Variants in ST8SIA4 observed in about 807,000 individuals in gnomAD.
ST8SIA4 encodes the protein ST8 alpha-N-acetyl-neuraminide alpha-2,8-sialyltransferase 4, also known as CMP-N-acetylneuraminate-poly-alpha-2,8-sialyltransferase.
In ST8SIA4, 15 loss-of-function variants were observed where a neutral mutation model predicts 33.9. The ratio of observed to expected loss-of-function variants is 0.44; its 90% CI spans 0.30 to 0.68. The LOEUF is 0.68. Among genes scored for constraint, ST8SIA4 ranks in the 30% least tolerant of loss-of-function variants. The pLI is 0.10. For missense variants in ST8SIA4, 321 were observed against 428.0 expected (o/e 0.75, Z 2.21); for synonymous variants, 171 against 151.2 (o/e 1.13, Z -0.96).
chr5:100,871,349 T>G (rs1437686468), intron 3 of ST8SIA4, among the ~76,000 whole-genome samples: 5 of 152,080 alleles, frequency 3.3e-5, no homozygotes, highest in African/African-American at 1.2e-4. Context: ...AAAAATATCA[T>G]CCCTACTTTT....
At chr5:100,883,046 C>A (rs549243904) in intron 3 of ST8SIA4, among the ~76,000 whole-genome samples, 2 of 152,298 alleles carry the variant, frequency 1.3e-5, no homozygotes, top group South Asian at 4.1e-4. Flanking sequence ...AAGAGGGCCA[C>A]CATCCTTCAG....
At chr5:100,814,054 C>T (rs766555844) in intron 4 of ST8SIA4, among the ~76,000 whole-genome samples, 13 of 151,976 alleles carry the variant, frequency 8.6e-5, no homozygotes, top group Non-Finnish European at 1.3e-4. Flanking sequence ...GAGGTTTCCT[C>T]GAGGTTCATG....
intron 3 of ST8SIA4, among the ~76,000 whole-genome samples, chr5:100,864,255 T>G (rs1179559252): frequency 6.6e-6 from 1 of 152,082 alleles, no homozygotes; most frequent in Non-Finnish European, 1.5e-5. Context: ...TTAACTGCTG[T>G]TCTTTATCTG....
chr5:100,846,756 T>C (rs1751579658), intron 4 of ST8SIA4, among the ~76,000 whole-genome samples: 1 of 152,080 alleles, frequency 6.6e-6, no homozygotes, highest in African/African-American at 2.4e-5. Flanking sequence ...TCTAGATATT[T>C]CGCAAAGCCT....
chr5:100,895,139 A>T (rs1240394091), intron 2 of ST8SIA4, among the ~76,000 whole-genome samples: 1 of 152,060 alleles, frequency 6.6e-6, no homozygotes, highest in Non-Finnish European at 1.5e-5. Flanking sequence ...TACAAAGAAG[A>T]AGTCAGTAAT....
At chr5:100,825,290 T>C (rs1751117935) in intron 4 of ST8SIA4, among the ~76,000 whole-genome samples, 1 of 152,170 alleles carries the variant, frequency 6.6e-6, no homozygotes, top group South Asian at 2.1e-4. Context: ...AATTATTTAT[T>C]TTTTGGAAGC....
Position 100,847,116 on chromosome 5 carries a change from A to C in ST8SIA4, c.797+8987T>G, listed in dbSNP as rs927724872. 8.5e-5 allele frequency among the ~76,000 whole-genome samples: 13 copies of C among 152,092 alleles called. 1 individual carries two copies. Among genetic ancestry groups the C allele is most frequent in the Admixed American group, 7.9e-4 (12 of 15,246 alleles). ...CTACTCAAAAACATTAAACTAGGAC[A>C]CATGTTTTATAAAGAAATATTACAG... On this transcript the variant is annotated intron_variant, in intron 4 of 4. Transcript: ENST00000231461.
intron 3 of ST8SIA4, among the ~76,000 whole-genome samples, chr5:100,869,357 G>A (rs1752146878): frequency 6.6e-6 from 1 of 151,990 alleles, no homozygotes; most frequent in African/African-American, 2.4e-5. Context: ...TCTATAGAAG[G>A]ATAGATCTAC....
chr5:100,870,306 C>A (rs558262832), intron 3 of ST8SIA4, among the ~76,000 whole-genome samples: 12 of 152,148 alleles, frequency 7.9e-5, no homozygotes, highest in African/African-American at 2.9e-4. Context: ...ATCTTAAGAT[C>A]ATGGAAAGTA....
intron 1 of ST8SIA4, among the ~76,000 whole-genome samples, chr5:100,901,992 G>C (rs1752928660): frequency 6.6e-6 from 1 of 152,168 alleles, no homozygotes. Context: ...GGAACAGGGA[G>C]GATTTCCGAA....
At chr5:100,849,327 G>A (rs1015622553) in intron 4 of ST8SIA4, 2 of 985,248 alleles carry the variant, frequency 2.0e-6, no homozygotes, top group Non-Finnish European at 2.4e-6. Context: ...TCTAAAGTCA[G>A]AATAGGAAAG....
At chr5:100,839,117 C>T (rs1437486169) in intron 4 of ST8SIA4, among the ~76,000 whole-genome samples, 1 of 151,938 alleles carries the variant, frequency 6.6e-6, no homozygotes, top group Non-Finnish European at 1.5e-5. Flanking sequence ...CATGAGCCAC[C>T]ACACCCACCC....
rs765912194 is a variant in ST8SIA4 at position 100,810,339 on chromosome 5, C to T, written c.*1508G>A. ...TATTGACACAATTTCACTGTTAAAC[C>T]TCTTGAAATTAATCATCTCTGTTTT... On this transcript the variant is annotated 3_prime_UTR_variant, in exon 5 of 5. Transcript: ENST00000231461. The T allele has an allele frequency of 5.1e-5, 7 of 136,714 alleles. No individual in the cohort carries two copies. The highest frequency in any genetic ancestry group is 2.2e-4 in the East Asian group (1 of 4,476). 8.5% of individuals were successfully genotyped at this position (136,714 alleles called of 1,614,324 possible). A position where few individuals can be genotyped will look rare whatever the true frequency, so the allele number is the denominator to read the frequency against.
At chr5:100,848,516 A>G (rs1027962308) in intron 4 of ST8SIA4, among the ~76,000 whole-genome samples, 3 of 150,288 alleles carry the variant, frequency 2.0e-5, no homozygotes, top group Non-Finnish European at 4.4e-5. Flanking sequence ...TATAGTATAT[A>G]TAGAGACAGA....
intron 4 of ST8SIA4, among the ~76,000 whole-genome samples, chr5:100,816,939 C>CTT (rs756462025): frequency 5.0e-5 from 7 of 140,622 alleles, no homozygotes; most frequent in East Asian, 2.0e-4. Flanking sequence ...GGCTTTTTTT[C>CTT]TTTTTTTTTT....
intron 2 of ST8SIA4, among the ~76,000 whole-genome samples, chr5:100,894,981 C>A (rs1038130799): frequency 6.6e-6 from 1 of 151,942 alleles, no homozygotes; most frequent in Non-Finnish European, 1.5e-5. Flanking sequence ...AAAGAAAAAA[C>A]AATCTTCCTG....
intron 4 of ST8SIA4, among the ~76,000 whole-genome samples, chr5:100,850,518 T>A (rs1274408356): frequency 2.6e-5 from 4 of 151,922 alleles, no homozygotes; most frequent in Non-Finnish European, 4.4e-5. Flanking sequence ...TGGGTTTAAA[T>A]CTTTTAATAA....
chr5:100,858,686 G>T (rs183948227), intron 3 of ST8SIA4, among the ~76,000 whole-genome samples: 56 of 152,160 alleles, frequency 3.7e-4, no homozygotes, highest in Admixed American at 1.6e-3. Context: ...AATGGAATAA[G>T]AATATTTATG....
chr5:100,862,233 T>C (rs1751961601), intron 3 of ST8SIA4, among the ~76,000 whole-genome samples: 1 of 152,120 alleles, frequency 6.6e-6, no homozygotes, highest in African/African-American at 2.4e-5. Context: ...TTAAAACTCA[T>C]AGACATGGTC....
Sources: allele counts gnomAD v4.1 joint callset (sites outside exome capture counted in the v4.1 genomes callset), GRCh38; gene constraint gnomAD v4.1.1; transcripts MANE v1.5; gene names NCBI Gene and HGNC (gene_info 2026-07-23, HGNC 2026-07-21).